FAM228B: variants seen among roughly 807,000 people sequenced by gnomAD.
FAM228B encodes family with sequence similarity 228 member B, also known as protein FAM228B.
In FAM228B, 38 loss-of-function variants were observed where a neutral mutation model predicts 42.6. That is an observed-to-expected ratio of 0.89 (90% CI 0.69 to 1.17). FAM228B has a LOEUF of 1.17. Ranked by LOEUF, FAM228B falls within the 50% of genes most tolerant of loss-of-function variation. The pLI is 0.00. For missense variants in FAM228B, 344 were observed against 367.3 expected (o/e 0.94, Z 0.52); for synonymous variants, 109 against 122.3 (o/e 0.89, Z 0.72).
intron 4 of FAM228B, 135 bp from the exon 5 acceptor site, chr2:24,139,231 GTCTT>G: frequency 4.6e-6 from 2 of 434,420 alleles, no homozygotes; most frequent in African/African-American, 2.0e-5. Flanking sequence ...ATGTAGCCTT[GTCTT>G]TCTTTTTGCA....
rs1193526211 is a variant in FAM228B at position 24,077,937 on chromosome 2, T to C, written c.-290+968T>C. On this transcript the variant is annotated intron_variant, in intron 1 of 10. Coordinates refer to the FAM228B transcript ENST00000613899. The surrounding 1 kb of genome is among the most constrained non-coding windows in gnomAD (Gnocchi z 5.5). ...ATACCCTTGAAGGAGTCATGTGCCA[T>C]CTCAGAATATGTCCGATAGGTATAT... 6.6e-6 allele frequency among the ~76,000 whole-genome samples: 1 copy of C among 152,170 alleles called. No homozygotes were observed. Among genetic ancestry groups the C allele is most frequent in the East Asian group, 1.9e-4 (1 of 5,194 alleles).
chr2:24,099,440 C>T (rs12713190), intron 3 of FAM228B, among the ~76,000 whole-genome samples: 18,034 of 152,082 alleles, frequency 0.12, 1,224 homozygotes, highest in South Asian at 0.18. Flanking sequence ...GATACAAAAT[C>T]AGTGTGCAAA....
At chr2:24,137,364 C>T (rs1291797591) in intron 3 of FAM228B, among the ~76,000 whole-genome samples, 2 of 152,124 alleles carry the variant, frequency 1.3e-5, no homozygotes, top group African/African-American at 2.4e-5. Flanking sequence ...AACTGGGAAT[C>T]TTTTAAGAAT....
intron 2 of FAM228B, among the ~76,000 whole-genome samples, chr2:24,132,414 C>G (rs1231447948): frequency 7.8e-6 from 1 of 127,910 alleles, no homozygotes; most frequent in African/African-American, 3.0e-5. Flanking sequence ...ACGAGCCCTT[C>G]TTTGTATCTC....
chr2:24,151,208 T>C (rs1667012826), intron 7 of FAM228B, among the ~76,000 whole-genome samples: 1 of 152,210 alleles, frequency 6.6e-6, no homozygotes, highest in Non-Finnish European at 1.5e-5. Context: ...TAAATTCTGC[T>C]ATTAAAAGAC....
At chr2:24,100,337 C>T (rs1244267023) in intron 3 of FAM228B, among the ~76,000 whole-genome samples, 2 of 152,226 alleles carry the variant, frequency 1.3e-5, no homozygotes, top group South Asian at 4.1e-4. Context: ...AGGCAACCTA[C>T]AGAATGGGAG....
intron 3 of FAM228B, among the ~76,000 whole-genome samples, chr2:24,111,226 ATT>A (rs1276031944): frequency 6.6e-6 from 1 of 151,914 alleles, no homozygotes; most frequent in African/African-American, 2.4e-5. Flanking sequence ...ATGCCCAGCT[ATT>A]TTTGCATTTT....
rs922032387 is a variant in FAM228B, at chr2:24,077,847, G to C, written c.-290+878G>C. ...CCTCCTCAGCCTTCTTGCTCTCTCT[G>C]AAGCCACGTATCTGAAAAAGCACAC... On this transcript the variant is annotated intron_variant, in intron 1 of 10. Coordinates refer to the FAM228B transcript ENST00000613899. The surrounding 1 kb of genome is among the most constrained non-coding windows in gnomAD (Gnocchi z 5.5). 2.1e-6 allele frequency: 3 copies of C among 1,450,538 alleles called. No homozygotes were observed. Among genetic ancestry groups the C allele is most frequent in the African/African-American group, 1.4e-5 (1 of 70,552 alleles). 89.9% of individuals were successfully genotyped at this position (1,450,538 alleles called of 1,614,324 possible).
chr2:24,167,303 T>C (rs1012261322), intron 9 of FAM228B, among the ~76,000 whole-genome samples: 11 of 152,082 alleles, frequency 7.2e-5, no homozygotes, highest in Non-Finnish European at 1.3e-4. Flanking sequence ...GGGTGGATTG[T>C]GGTTCTAGTC....
Position 24,137,992 on chromosome 2 carries a change from G to A in FAM228B, c.252G>A (p.Val84=). The part of the protein sequence containing the change: ...EMLYKRWVDC[V]ADPLQKKIIE... Reference sequence around the variant, plus strand: ...TATATAAAAGATGGGTTGACTGTGTGGCAGATCCTCTTCAGAAGAAAATTA... The same window carrying A: ...TATATAAAAGATGGGTTGACTGTGTAGCAGATCCTCTTCAGAAGAAAATTA... Residue 84 remains valine, a synonymous_variant, in exon 4 of 11, where the codon GTG becomes GTA. Coordinates refer to ENST00000615575, the MANE Select transcript of FAM228B (RefSeq NM_001145710.2). The A allele has an allele frequency of 6.5e-7, 1 of 1,548,676 alleles. No individual in the cohort carries two copies. The highest frequency in any genetic ancestry group is 8.7e-7 in the Non-Finnish European group (1 of 1,146,182).
intron 5 of FAM228B, among the ~76,000 whole-genome samples, chr2:24,140,528 A>T (rs1666718067): frequency 6.6e-6 from 1 of 152,154 alleles, no homozygotes; most frequent in East Asian, 1.9e-4. Flanking sequence ...TGGAATGACT[A>T]AACCAATTAA....
chr2:24,130,011 G>A (rs1666418595), intron 2 of FAM228B, among the ~76,000 whole-genome samples: 3 of 152,096 alleles, frequency 2.0e-5, no homozygotes, highest in African/African-American at 7.2e-5. Flanking sequence ...CCCTCCCTGG[G>A]TCCATGTGTT....
intron 7 of FAM228B, among the ~76,000 whole-genome samples, chr2:24,156,780 C>T (rs1000448987): frequency 1.4e-5 from 2 of 142,632 alleles, no homozygotes; most frequent in African/African-American, 5.2e-5. Context: ...TTCCGCCCCC[C>T]CCCCCCCAGC....
In FAM228B at chr2:24,077,531, C is replaced by A; in HGVS notation, c.-290+562C>A. ...CTATTGTGAATCTTCTCCAGGTTTG[C>A]TCTGGAAAGGCCTGGGGTGGCCGCG... On this transcript the variant is annotated intron_variant, in intron 1 of 10. Transcript: ENST00000613899. The surrounding 1 kb of genome is among the most constrained non-coding windows in gnomAD (Gnocchi z 5.5). 6.4e-7 allele frequency: 1 copy of A among 1,561,338 alleles called. No individual in the cohort carries two copies. Among genetic ancestry groups the A allele is most frequent in the Non-Finnish European group, 8.7e-7 (1 of 1,155,450 alleles).
At chr2:24,145,302 A>G (rs1211289558) in intron 5 of FAM228B, among the ~76,000 whole-genome samples, 1 of 152,164 alleles carries the variant, frequency 6.6e-6, no homozygotes, top group African/African-American at 2.4e-5. Context: ...CATCCCCCGC[A>G]AAGCCTCACC....
At chr2:24,117,583 C>T (rs1665963511) in intron 3 of FAM228B, among the ~76,000 whole-genome samples, 1 of 151,994 alleles carries the variant, frequency 6.6e-6, no homozygotes, top group Non-Finnish European at 1.5e-5. Context: ...GCAGGGATTA[C>T]AGGTACCCAC....
intron 9 of FAM228B, chr2:24,165,765 T>C (rs896198137): frequency 1.1e-5 from 3 of 276,934 alleles, no homozygotes; most frequent in African/African-American, 6.5e-5. Context: ...TGTTGGGCCA[T>C]GTGCGGTGGC....
chr2:24,114,281 C>T (rs902312105), intron 3 of FAM228B, among the ~76,000 whole-genome samples: 25 of 152,098 alleles, frequency 1.6e-4, no homozygotes, highest in Admixed American at 1.6e-3. Context: ...AAAGGGCTCC[C>T]GTTTCCCAAT....
In FAM228B at chr2:24,077,672, G is replaced by A. The variant is rs551087059; in HGVS notation, c.-290+703G>A. On this transcript the variant is annotated intron_variant, in intron 1 of 10. Transcript: ENST00000613899. The surrounding 1 kb of genome is among the most constrained non-coding windows in gnomAD (Gnocchi z 5.5). ...GGATTTCGGTCACTGGGTAGATTCT[G>A]TCCAGAACCGGCAGCAGACGTTGGG... 3 of 1,614,076 alleles carry A rather than the reference G, an allele frequency of 1.9e-6. No homozygotes were observed. Among genetic ancestry groups the A allele is most frequent in the South Asian group, 2.2e-5 (2 of 91,076 alleles).
Sources: gnomAD v4.1 joint callset for allele counts (sites outside exome capture counted in the v4.1 genomes callset) on GRCh38, gnomAD v4.1.1 for gene constraint, Gnocchi (gnomAD v3.1) non-coding constraint, MANE v1.5 for transcripts, NCBI Gene and HGNC (gene_info 2026-07-23, HGNC 2026-07-21) for gene names.